The following NELL1 variants were observed in gnomAD, a reference collection of about 807,000 sequenced individuals.
The protein encoded by NELL1 is protein kinase C-binding protein NELL1.
A neutral mutation model predicts 107.4 loss-of-function variants in NELL1; 76 were observed. The ratio of observed to expected loss-of-function variants is 0.71; its 90% CI spans 0.59 to 0.86. The LOEUF is 0.86. Ranked by LOEUF, NELL1 falls within the 40% of genes least tolerant of loss-of-function variation. The pLI is 0.00. For missense variants in NELL1, 1,024 were observed against 1,005.5 expected, an observed-to-expected ratio of 1.02 and a Z score of -0.25; for synonymous variants, 353 against 341.2, an observed-to-expected ratio of 1.03 and a Z score of -0.38.
chr11:21,443,418 T>G (rs1391729954), intron 15 of NELL1, among the ~76,000 whole-genome samples: 3 of 152,162 alleles, frequency 2.0e-5, no homozygotes, highest in Non-Finnish European at 4.4e-5. Flanking sequence ...TTAAGTAGAC[T>G]GGCTAAGGCT....
At chr11:20,992,495 G>GT (rs1315039732) in intron 12 of NELL1, among the ~76,000 whole-genome samples, 4 of 152,168 alleles carry the variant, frequency 2.6e-5, no homozygotes, top group Non-Finnish European at 5.9e-5. Context: ...ATCCAGAGAA[G>GT]TTAAGAAGGT....
chr11:21,137,301 C>T (rs1855764998), intron 13 of NELL1, among the ~76,000 whole-genome samples: 1 of 152,126 alleles, frequency 6.6e-6, no homozygotes, highest in Admixed American at 6.6e-5. Flanking sequence ...GTGGAAGAAG[C>T]AGTAGTAAAA....
chr11:21,138,917 T>C (rs1855803148), intron 13 of NELL1, among the ~76,000 whole-genome samples: 1 of 152,194 alleles, frequency 6.6e-6, no homozygotes, highest in Non-Finnish European at 1.5e-5. Context: ...CAGCTCGTCA[T>C]AGTCCATAAA....
intron 2 of NELL1, among the ~76,000 whole-genome samples, chr11:20,693,364 G>A (rs546845403): frequency 1.1e-3 from 169 of 152,036 alleles, no homozygotes; most frequent in African/African-American, 3.8e-3. Context: ...GTTAGTTGAT[G>A]CAGTTTCTTC....
chr11:20,799,204 A>G (rs77924295), intron 3 of NELL1, among the ~76,000 whole-genome samples: 5,160 of 152,298 alleles, frequency 0.034, 292 homozygotes, highest in African/African-American at 0.12. Flanking sequence ...TATGTTTAGG[A>G]GACAGACCAA....
chr11:21,291,350 A>G (rs988507613), intron 14 of NELL1, among the ~76,000 whole-genome samples: 12 of 152,192 alleles, frequency 7.9e-5, no homozygotes, highest in Non-Finnish European at 1.6e-4. Flanking sequence ...CAGTGTTTAG[A>G]GGGAAATTTA....
At chr11:20,687,600 T>G (rs1854339200) in intron 2 of NELL1, among the ~76,000 whole-genome samples, 1 of 151,906 alleles carries the variant, frequency 6.6e-6, no homozygotes. Context: ...AACTAAATTT[T>G]TTTTTTTTTC....
At chr11:21,415,048 A>G (rs575615803) in intron 15 of NELL1, among the ~76,000 whole-genome samples, 75 of 152,224 alleles carry the variant, frequency 4.9e-4, no homozygotes, top group African/African-American at 1.6e-3. Context: ...TGAATTACTC[A>G]GTTAACCATA....
At chr11:20,784,265 A>G (rs1038602188) in intron 3 of NELL1, among the ~76,000 whole-genome samples, 2 of 152,240 alleles carry the variant, frequency 1.3e-5, no homozygotes, top group Non-Finnish European at 2.9e-5. Context: ...AATATAATAA[A>G]GTATTGAAGA....
intron 15 of NELL1, among the ~76,000 whole-genome samples, chr11:21,421,144 A>G (rs1852658213): frequency 6.6e-6 from 1 of 152,196 alleles, no homozygotes; most frequent in African/African-American, 2.4e-5. Flanking sequence ...AAAATACAGA[A>G]GAAGATTTGA....
intron 12 of NELL1, among the ~76,000 whole-genome samples, chr11:21,039,505 G>A (rs1459562321): frequency 6.6e-6 from 1 of 152,074 alleles, no homozygotes; most frequent in Non-Finnish European, 1.5e-5. Flanking sequence ...TCTTTTTAAA[G>A]TTTATGTTTA....
intron 13 of NELL1, among the ~76,000 whole-genome samples, chr11:21,162,048 T>A (rs1217740444): frequency 1.4e-5 from 2 of 143,630 alleles, no homozygotes; most frequent in Non-Finnish European, 3.0e-5. Flanking sequence ...CCTCCCAGGT[T>A]CAAGTGATTT....
intron 17 of NELL1, among the ~76,000 whole-genome samples, chr11:21,566,090 T>C (rs548943266): frequency 5.9e-5 from 9 of 151,950 alleles, no homozygotes; most frequent in Non-Finnish European, 1.2e-4. Context: ...GCCATTGCAG[T>C]GTGAAAAAGA....
chr11:21,268,247 C>CG (rs1848673291), intron 14 of NELL1, among the ~76,000 whole-genome samples: 1 of 151,986 alleles, frequency 6.6e-6, no homozygotes, highest in Non-Finnish European at 1.5e-5. Flanking sequence ...CGGAGGATGG[C>CG]GATAGAGAGG....
intron 12 of NELL1, among the ~76,000 whole-genome samples, chr11:21,004,973 A>G (rs1239443041): frequency 3.3e-5 from 5 of 152,180 alleles, no homozygotes; most frequent in Non-Finnish European, 5.9e-5. Context: ...ACAGGCTTAT[A>G]TCAGGAATTT....
chr11:21,152,403 C>T (rs900795192), intron 13 of NELL1, among the ~76,000 whole-genome samples: 1 of 152,128 alleles, frequency 6.6e-6, no homozygotes, highest in Non-Finnish European at 1.5e-5. Flanking sequence ...GAGGTGCATA[C>T]TAAATGTTGA....
At chr11:21,371,703 A>G (rs1851361458) in intron 15 of NELL1, among the ~76,000 whole-genome samples, 1 of 151,958 alleles carries the variant, frequency 6.6e-6, no homozygotes, top group Non-Finnish European at 1.5e-5. Flanking sequence ...AAATCACTGC[A>G]TTGTGTTTTT....
chr11:21,175,556 G>T (rs866853333), intron 13 of NELL1, among the ~76,000 whole-genome samples: 1 of 151,782 alleles, frequency 6.6e-6, no homozygotes, highest in Non-Finnish European at 1.5e-5. Flanking sequence ...CTGGAATAAT[G>T]TGTGACAGTG....
At chr11:20,770,897 C>G (rs2133968292) in intron 2 of NELL1, 1 of 151,816 alleles carries the variant, frequency 6.6e-6, no homozygotes, top group South Asian at 2.1e-4. Context: ...CTTCTGATAG[C>G]AAGGTGAGAG....
Sources: gnomAD v4.1 joint callset for allele counts (sites outside exome capture counted in the v4.1 genomes callset) on GRCh38, gnomAD v4.1.1 for gene constraint, MANE v1.5 for transcripts, NCBI Gene and HGNC (gene_info 2026-07-23, HGNC 2026-07-21) for gene names.